The following CSMD3 variants were observed in gnomAD, a reference collection of about 807,000 sequenced individuals.
CSMD3 encodes the protein CUB and sushi domain-containing protein 3.
CSMD3 carries 177 observed loss-of-function variants against 435.2 expected under a neutral mutation model. That is an observed-to-expected ratio of 0.41 (90% confidence interval 0.36 to 0.46). The LOEUF is 0.46. CSMD3 is among the 20% of genes least tolerant of loss of function. The pLI is 0.34. For synonymous variants in CSMD3, 1,656 were observed against 1,520.5 expected (o/e 1.09, Z -2.07); for missense variants, 4,265 against 4,504.6 (o/e 0.95, Z 1.52).
At chr8:112,460,540 T>G (rs1021057265) in intron 32 of CSMD3, among the ~76,000 whole-genome samples, 1 of 151,268 alleles carries the variant, frequency 6.6e-6, no homozygotes, top group African/African-American at 2.4e-5. Flanking sequence ...GATTTTTTAG[T>G]TCACCACTGC....
At chr8:112,911,460 C>A (rs1264281994) in intron 10 of CSMD3, among the ~76,000 whole-genome samples, 2 of 151,708 alleles carry the variant, frequency 1.3e-5, no homozygotes, top group African/African-American at 4.8e-5. Flanking sequence ...TAGTTATAGT[C>A]ATCAGGCTCA....
rs894632929 is a variant in CSMD3 at position 112,536,163 on chromosome 8, T to C, written c.4564+14508A>G. ...AAAGCAATGGCAACAAAAGCCAAAA[T>C]TGACAAATGGGATCTAATTAAACTA... On this transcript the variant is annotated intron_variant, in intron 27 of 70. Transcript: ENST00000297405. 2.1e-4 allele frequency among the ~76,000 whole-genome samples: 32 copies of C among 151,972 alleles called. 1 individual carries two copies. Among genetic ancestry groups the C allele is most frequent in the African/African-American group, 6.5e-4 (27 of 41,476 alleles).
chr8:113,285,258 C>T (rs1211209709), intron 2 of CSMD3, among the ~76,000 whole-genome samples: 1 of 134,666 alleles, frequency 7.4e-6, no homozygotes, highest in Non-Finnish European at 1.5e-5. Flanking sequence ...TAGTTGGTGA[C>T]AGCTTTTTTT....
chr8:112,391,125 A>C (rs1401393684), intron 35 of CSMD3, among the ~76,000 whole-genome samples: 1 of 152,178 alleles, frequency 6.6e-6, no homozygotes, highest in Non-Finnish European at 1.5e-5. Flanking sequence ...AATTGTCTCG[A>C]ATTTTTAAAA....
chr8:112,914,716 A>G (rs1193273252), intron 10 of CSMD3, among the ~76,000 whole-genome samples: 2 of 151,170 alleles, frequency 1.3e-5, no homozygotes, highest in African/African-American at 2.4e-5. Flanking sequence ...CCCAGGTTTC[A>G]TCATTTTTCC....
At chr8:113,120,528 A>G (rs2090957081) in intron 4 of CSMD3, among the ~76,000 whole-genome samples, 1 of 152,206 alleles carries the variant, frequency 6.6e-6, no homozygotes, top group African/African-American at 2.4e-5. Flanking sequence ...TGCTACAAAT[A>G]AAAGTAAGCA....
rs151249103 is a variant in CSMD3, at chr8:113,078,748, A to G, written c.917+20008T>C. Among the ~76,000 whole-genome samples, 1,442 of 152,282 alleles carry G rather than the reference A, an allele frequency of 9.5e-3. 4 individuals carry two copies. The highest frequency in any genetic ancestry group is 0.014 in the Non-Finnish European group (984 of 68,006). ...AAAATATTGCCAGTTACCTAAAGGAACTGCATCATTTTCATATTCTATTCA... is the reference window on the plus strand; with the variant it reads ...AAAATATTGCCAGTTACCTAAAGGAGCTGCATCATTTTCATATTCTATTCA... On this transcript the variant is annotated intron_variant, in intron 5 of 70. Transcript: ENST00000297405.
intron 13 of CSMD3, among the ~76,000 whole-genome samples, chr8:112,798,119 T>A (rs1263442601): frequency 1.3e-5 from 2 of 151,828 alleles, no homozygotes. Flanking sequence ...GAAGTCTTCA[T>A]AGAAGAGTAA....
At chr8:113,207,542 C>A (rs1395955082) in intron 3 of CSMD3, among the ~76,000 whole-genome samples, 2 of 151,966 alleles carry the variant, frequency 1.3e-5, no homozygotes, top group Admixed American at 6.6e-5. Context: ...ACCACCACAT[C>A]AGGCTAATTT....
rs928548885 is a variant in CSMD3, at chr8:112,895,956, T to C, written c.1633+25671A>G. On this transcript the variant is annotated intron_variant, in intron 10 of 70. Transcript: ENST00000297405. The stretch of plus-strand genomic sequence containing the variant: ...TTGTTTTTTCCAAATCTAGTCTTTT[T>C]ATTGTTTCCTTTCTCAATAATGAAA... Among the ~76,000 whole-genome samples, 4 of 151,536 alleles carry C rather than the reference T, an allele frequency of 2.6e-5. 1 individual carries two copies. Among genetic ancestry groups the C allele is most frequent in the Admixed American group, 2.6e-4 (4 of 15,166 alleles).
At chr8:112,577,332 A>T (rs1330476612) in intron 23 of CSMD3, among the ~76,000 whole-genome samples, 1 of 152,114 alleles carries the variant, frequency 6.6e-6, no homozygotes, top group African/African-American at 2.4e-5. Context: ...AAGCATACAA[A>T]TAAGAAAACA....
intron 32 of CSMD3, among the ~76,000 whole-genome samples, chr8:112,469,634 G>A (rs139511635): frequency 6.6e-6 from 1 of 152,212 alleles, no homozygotes; most frequent in East Asian, 1.9e-4. Context: ...GTTCACAACA[G>A]GGTTTGCACT....
chr8:112,843,844 C>A (rs549981156), intron 11 of CSMD3, among the ~76,000 whole-genome samples: 3 of 152,046 alleles, frequency 2.0e-5, no homozygotes, highest in Non-Finnish European at 4.4e-5. Context: ...CCATGCTGAA[C>A]TGCTGACCCA....
chr8:112,549,677 A>C (rs1273503543), intron 27 of CSMD3, among the ~76,000 whole-genome samples: 1 of 152,072 alleles, frequency 6.6e-6, no homozygotes, highest in Non-Finnish European at 1.5e-5. Context: ...ATAATAGTTC[A>C]TTAGGTACCA....
intron 22 of CSMD3, among the ~76,000 whole-genome samples, chr8:112,590,528 C>G (rs961815048): frequency 6.6e-6 from 1 of 152,024 alleles, no homozygotes; most frequent in Non-Finnish European, 1.5e-5. Context: ...CAAGGTTGAT[C>G]TAGAGGTAGA....
At chr8:112,457,783 CT>C (rs1816984436) in intron 32 of CSMD3, among the ~76,000 whole-genome samples, 1 of 151,988 alleles carries the variant, frequency 6.6e-6, no homozygotes. Flanking sequence ...AAGATAACTC[CT>C]GGACTAGCTT....
intron 67 of CSMD3, among the ~76,000 whole-genome samples, chr8:112,236,583 C>T (rs1813616668): frequency 6.6e-6 from 1 of 151,990 alleles, no homozygotes; most frequent in African/African-American, 2.4e-5. Context: ...ACAAAGTTTC[C>T]TTTAGGTCAG....
At chr8:112,954,870 T>C (rs926302432) in intron 7 of CSMD3, 109 bp from the exon 8 acceptor site, 1 of 712,140 alleles carries the variant, frequency 1.4e-6, no homozygotes, top group African/African-American at 1.8e-5. Context: ...AGAAACCACT[T>C]TCTTAAGCCT....
At chr8:113,083,162 A>C (rs2131463718) in intron 5 of CSMD3, among the ~76,000 whole-genome samples, 1 of 152,288 alleles carries the variant, frequency 6.6e-6, no homozygotes, top group Admixed American at 6.5e-5. Context: ...AGAGGACCAC[A>C]GAAATGAAAT....
Sources: allele counts gnomAD v4.1 joint callset (sites outside exome capture counted in the v4.1 genomes callset), GRCh38; gene constraint gnomAD v4.1.1; transcripts MANE v1.5; gene names NCBI Gene and HGNC (gene_info 2026-07-23, HGNC 2026-07-21).